TTC38: variants seen among roughly 807,000 people sequenced by gnomAD.
TTC38 encodes the protein tetratricopeptide repeat domain 38, also known as tetratricopeptide repeat protein 38.
A neutral mutation model predicts 64.2 loss-of-function variants in TTC38; 64 were observed. The ratio of observed to expected loss-of-function variants is 1.00; its 90% confidence interval spans 0.81 to 1.23. The LOEUF (loss-of-function observed/expected upper bound fraction) is 1.23. Ranked by LOEUF, TTC38 falls within the 50% of genes most tolerant of loss-of-function variation. The pLI, the probability that TTC38 is intolerant of heterozygous loss-of-function variation, is 0.00. For missense variants in TTC38, 573 were observed against 615.5 expected (o/e 0.93, Z 0.73); for synonymous variants, 254 against 249.3 (o/e 1.02, Z -0.18).
intron 2 of TTC38, chr22:46,268,881 G>T: frequency 2.7e-6 from 1 of 366,680 alleles, no homozygotes; most frequent in Non-Finnish European, 5.3e-6. Context: ...TAGAGACGGG[G>T]TTTCACCGTG....
rs991823822 is a variant in TTC38 at position 46,271,279 on chromosome 22, C to T, written c.112-1056C>T. 2.4e-4 allele frequency among the ~76,000 whole-genome samples: 37 copies of T among 151,952 alleles called. No homozygotes were observed. Among genetic ancestry groups the T allele is most frequent in the African/African-American group, 6.3e-4 (26 of 41,360 alleles). On this transcript the variant is annotated intron_variant, in intron 2 of 13. Transcript: ENST00000381031. This position sits in a 1 kb window ranked among gnomAD's most constrained non-coding sequence, Gnocchi z 5.5. ...TTTTTGAGACAGAGTCTCACTCTGT[C>T]GCCCAGGCTGGAGTGCAGTGGCGCC...
chr22:46,268,330 G>A (rs986824533), intron 1 of TTC38, among the ~76,000 whole-genome samples, 184 bp from the exon 2 acceptor site: 4 of 152,248 alleles, frequency 2.6e-5, no homozygotes, highest in African/African-American at 7.2e-5. Flanking sequence ...CACTGGGCAT[G>A]GCTGGGGACG....
chr22:46,292,166 C>T lies in TTC38; in HGVS notation c.1317-625C>T. 9.3e-6 allele frequency: 4 copies of T among 432,398 alleles called. No homozygotes were observed. The highest frequency in any genetic ancestry group is 1.8e-5 in the Non-Finnish European group (4 of 219,504). 26.8% of individuals were successfully genotyped at this position (432,398 alleles called of 1,614,324 possible). On this transcript the variant is annotated intron_variant, in intron 13 of 13. Transcript: ENST00000381031. This position sits in a 1 kb window ranked among gnomAD's most constrained non-coding sequence, Gnocchi z 6.5. Reference sequence around the variant, plus strand: ...GAGTGCTAATTCTTTCACGTCTCTTCTTTCTTCTTTCTTTTTAAATTTTTT... The same window carrying T: ...GAGTGCTAATTCTTTCACGTCTCTTTTTTCTTCTTTCTTTTTAAATTTTTT...
At position 46,282,038 on chromosome 22, in the gene TTC38, T is replaced by G. The variant is rs1275074969; in HGVS notation, c.735+320T>G. 3.9e-6 allele frequency: 2 copies of G among 513,146 alleles called. No homozygotes were observed. Among genetic ancestry groups the G allele is most frequent in the Non-Finnish European group, 7.8e-6 (2 of 256,956 alleles). 31.8% of individuals were successfully genotyped at this position (513,146 alleles called of 1,614,324 possible). ...GCTGCACCATGACGGGGACCCTCTG[T>G]GGGATGTGGAAACGCAGAGGAAGCA... On this transcript the variant is annotated intron_variant, in intron 7 of 13. Transcript: ENST00000381031. The surrounding 1 kb of genome is among the most constrained non-coding windows in gnomAD (Gnocchi z 4.4).
At position 46,268,555 on chromosome 22, in the gene TTC38, C is replaced by A; in HGVS notation, c.75C>A (p.Asn25Lys). Reference sequence around the variant, plus strand: ...GGCTCCCGCTCTCCACCACAAGCAACGAAGCCTGCAAGCTGTTCGATGCCA... The same window carrying A: ...GGCTCCCGCTCTCCACCACAAGCAAAGAAGCCTGCAAGCTGTTCGATGCCA... Reference protein sequence around the residue: ...DARLPLSTTSNEACKLFDATL... With the variant: ...DARLPLSTTSKEACKLFDATL... Residue 25 changes from asparagine to lysine, a missense_variant, in exon 2 of 14, where the codon AAC (asparagine) becomes AAA (lysine). Around this residue, in one of 3 missense-constraint regions of TTC38, gnomAD observed 134 missense variants for 126.5 expected, o/e 1.06. Transcript: ENST00000381031. 1 of 1,614,052 alleles carries A rather than the reference C, an allele frequency of 6.2e-7. No individual in the cohort carries two copies.
intron 9 of TTC38, among the ~76,000 whole-genome samples, chr22:46,285,493 C>T (rs1006580905): frequency 2.0e-5 from 3 of 152,156 alleles, no homozygotes; most frequent in South Asian, 2.1e-4. Context: ...CTGCTCAACT[C>T]GAGGGTGCTG....
intron 2 of TTC38, chr22:46,269,091 C>A: frequency 2.6e-6 from 1 of 378,930 alleles, no homozygotes. Flanking sequence ...TATCTCTGCC[C>A]CCCCCCCACA....
rs1380070697 is a variant in TTC38 at position 46,276,811 on chromosome 22, A to AAT, written c.539+1399_539+1400dup. On this transcript the variant is annotated intron_variant, in intron 5 of 13. Coordinates refer to ENST00000381031, the MANE Select transcript of TTC38 (RefSeq NM_017931.4). This position sits in a 1 kb window ranked among gnomAD's most constrained non-coding sequence, Gnocchi z 4.7. Reference sequence around the variant, plus strand: ...ATATATATTAAAAATTATATATTAAAATATATATATTAAATATATATATAT... The same window carrying AAT: ...ATATATATTAAAAATTATATATTAAAATATATATATATTAAATATATATATAT... Among the ~76,000 whole-genome samples, 5 of 138,184 alleles carry AAT rather than the reference A, an allele frequency of 3.6e-5. No individual in the cohort carries two copies. In the South Asian group the frequency reaches 1.1e-3, roughly 29 times the overall value. The allele number at this position is 138,184 out of a possible 152,430, so 90.7% of individuals were successfully genotyped here. A position where few individuals can be genotyped will look rare whatever the true frequency, so the allele number is the denominator to read the frequency against.
intron 7 of TTC38, among the ~76,000 whole-genome samples, chr22:46,283,386 C>T (rs978928882): frequency 3.3e-5 from 5 of 152,188 alleles, no homozygotes; most frequent in Admixed American, 1.3e-4. Context: ...TCCTCTGCAC[C>T]GGTCCTGGGG....
rs750957919 is a variant in TTC38 at position 46,274,886 on chromosome 22, C to T, written c.366-362C>T. 5.3e-5 allele frequency among the ~76,000 whole-genome samples: 8 copies of T among 152,274 alleles called. No individual in the cohort carries two copies. Among genetic ancestry groups the T allele is most frequent in the Non-Finnish European group, 7.4e-5 (5 of 68,016 alleles). On this transcript the variant is annotated intron_variant, in intron 4 of 13. Transcript: ENST00000381031. The surrounding 1 kb of genome is among the most constrained non-coding windows in gnomAD (Gnocchi z 4.8). ...TGTCGCCCAGGCTGGAATGCAGTGG[C>T]GCAATCTCGGCTCACTGCCTCCACC... is the stretch of plus-strand genomic sequence containing the variant.
Position 46,272,493 on chromosome 22 carries a change from C to T in TTC38, c.193+77C>T. 7.7e-7 allele frequency: 1 copy of T among 1,298,018 alleles called. No homozygotes were observed. Among genetic ancestry groups the T allele is most frequent in the South Asian group, 1.2e-5 (1 of 82,632 alleles). The allele number at this position is 1,298,018 out of a possible 1,614,324, so 80.4% of individuals were successfully genotyped here. On this transcript the variant is annotated intron_variant, in intron 3 of 13. Coordinates refer to ENST00000381031, the MANE Select transcript of TTC38 (RefSeq NM_017931.4). This position sits in a 1 kb window ranked among gnomAD's most constrained non-coding sequence, Gnocchi z 6.4. Reference sequence around the variant, plus strand: ...CTCTCTTTCCTTTACCACAGGGACACAGTTGGGATGGGGAAGGCAGGTTGG... The same window carrying T: ...CTCTCTTTCCTTTACCACAGGGACATAGTTGGGATGGGGAAGGCAGGTTGG...
chr22:46,292,665 G>A lies in TTC38; in HGVS notation c.1317-126G>A. 3 of 834,038 alleles carry A rather than the reference G, an allele frequency of 3.6e-6. No homozygotes were observed. Among genetic ancestry groups the A allele is most frequent in the Middle Eastern group, 2.6e-4 (1 of 3,870 alleles). 51.7% of individuals were successfully genotyped at this position (834,038 alleles called of 1,614,324 possible). A position where few individuals can be genotyped will look rare whatever the true frequency, so the allele number is the denominator to read the frequency against. On this transcript the variant is annotated intron_variant, in intron 13 of 13. Coordinates refer to ENST00000381031, the MANE Select transcript of TTC38 (RefSeq NM_017931.4). This position sits in a 1 kb window ranked among gnomAD's most constrained non-coding sequence, Gnocchi z 6.5. ...GCCAGGCCTCCTGCCCCTGGGCCTT[G>A]GCCCTTGCTGTTCCCTCAGTGCCGC...
intron 10 of TTC38, 44 bp from the exon 11 acceptor site, chr22:46,288,379 C>T: frequency 6.3e-7 from 1 of 1,588,996 alleles, no homozygotes. Context: ...GGACATGCCC[C>T]AGAGCCTCAC....
rs1310571663 is a variant in TTC38, at chr22:46,291,183, G to A, written c.1316+1284G>A. On this transcript the variant is annotated intron_variant, in intron 13 of 13. Coordinates refer to ENST00000381031, the MANE Select transcript of TTC38 (RefSeq NM_017931.4). The surrounding 1 kb of genome is among the most constrained non-coding windows in gnomAD (Gnocchi z 4.6). ...ATGCTCCCCGCTTTCCCCTTCCATG[G>A]CTGTAGACAAAACCATGCGTGTTTC... Among the ~76,000 whole-genome samples, 1 of 152,232 alleles carries A rather than the reference G, an allele frequency of 6.6e-6. No individual in the cohort carries two copies. Among genetic ancestry groups the A allele is most frequent in the Non-Finnish European group, 1.5e-5 (1 of 68,042 alleles).
intron 6 of TTC38, among the ~76,000 whole-genome samples, chr22:46,279,066 G>A (rs2077514561): frequency 6.6e-6 from 1 of 152,210 alleles, no homozygotes; most frequent in South Asian, 2.1e-4. Flanking sequence ...AATAAGCGTT[G>A]GCTCTTCCTT....
In TTC38 at chr22:46,274,098, G is replaced by A. The variant is rs370328854; in HGVS notation, c.365+29G>A. 3 of 1,609,026 alleles carry A rather than the reference G, an allele frequency of 1.9e-6. No homozygotes were observed. The highest frequency in any genetic ancestry group is 2.7e-5 in the African/African-American group (2 of 74,698). On this transcript the variant is annotated intron_variant, in intron 4 of 13. Coordinates refer to ENST00000381031, the MANE Select transcript of TTC38 (RefSeq NM_017931.4). This position sits in a 1 kb window ranked among gnomAD's most constrained non-coding sequence, Gnocchi z 4.8. ...AGGGGCCTCCCTGGGCTGGGAGCTG[G>A]CACCCTGAGGCTGAGCTGGGGGAGT...
Position 46,287,088 on chromosome 22 carries a change from C to G in TTC38, c.850C>G (p.Gln284Glu). The change falls in exon 10 of 14, where the codon CAG becomes GAG. Residue 284 changes from glutamine (Q) to glutamate (E), a missense_variant. This residue lies in a region of TTC38 where 371 missense variants were observed against 381.8 expected (regional missense o/e 0.97). Coordinates refer to ENST00000381031, the MANE Select transcript of TTC38 (RefSeq NM_017931.4). ...IYDTHILPSL[Q>E]ANDAMLDVVD... ...TGTCTTCCAGATCCTTCCCAGCCTG[C>G]AGGCCAACGATGCAATGCTGGACGT... 6.2e-7 allele frequency: 1 copy of G among 1,602,418 alleles called. No individual in the cohort carries two copies. The highest frequency in any genetic ancestry group is 8.5e-7 in the Non-Finnish European group (1 of 1,175,714).
rs745824016 is a variant in TTC38, at chr22:46,275,346, T to G, written c.464T>G (p.Leu155Arg). Residue 155 changes from leucine (L) to arginine (R), a missense_variant, in exon 5 of 14, where the codon CTG (leucine) becomes CGG (arginine). This residue lies in a region of TTC38 where 68 missense variants were observed against 107.3 expected (regional missense o/e 0.63). Coordinates refer to ENST00000381031, the MANE Select transcript of TTC38 (RefSeq NM_017931.4). This position sits in a 1 kb window ranked among gnomAD's most constrained non-coding sequence, Gnocchi z 4.5. ...TTTTCCCATGATGCTTATTTTTACC[T>G]GGGCTATCAGGAACAGATGAGAGAT... ...LKFSHDAYFY[L>R]GYQEQMRDSV... 2.8e-5 allele frequency: 45 copies of G among 1,614,088 alleles called. No homozygotes were observed. The highest frequency in any genetic ancestry group is 3.6e-5 in the Non-Finnish European group (43 of 1,180,032).
chr22:46,268,185 C>G, intron 1 of TTC38, 113 bp downstream of exon 1: 4 of 1,221,754 alleles, frequency 3.3e-6, no homozygotes, highest in African/African-American at 1.6e-5. Context: ...TGGGGTGAGC[C>G]CTGGGCGCAC....
Sources: allele counts gnomAD v4.1 joint callset (sites outside exome capture counted in the v4.1 genomes callset), GRCh38; gene constraint gnomAD v4.1.1; regional missense constraint gnomAD v4.1.1; non-coding constraint Gnocchi (gnomAD v3.1); transcripts MANE v1.5; gene names NCBI Gene and HGNC (gene_info 2026-07-23, HGNC 2026-07-21).